Variants in TXK observed in about 807,000 individuals in gnomAD.
The protein encoded by TXK is TXK tyrosine kinase.
Under a neutral mutation model 81.0 loss-of-function variants are expected in TXK, and 60 were observed. The observed-to-expected ratio is 0.74, with a 90% CI of 0.60 to 0.92. The LOEUF (loss-of-function observed/expected upper bound fraction) is 0.92. Among genes scored for constraint, TXK ranks in the 40% least tolerant of loss-of-function variants. The pLI, the probability that TXK is intolerant of heterozygous loss-of-function variation, is 0.00. For missense variants in TXK, 581 were observed against 638.3 expected, an observed-to-expected ratio of 0.91 and a Z score of 0.97; for synonymous variants, 203 against 210.7, an observed-to-expected ratio of 0.96 and a Z score of 0.32.
rs1577648775 is a variant in TXK at position 48,076,394 on chromosome 4, G to A, written c.1238+8C>T. 5 of 1,586,046 alleles carry A rather than the reference G, an allele frequency of 3.2e-6. No individual in the cohort carries two copies. The Admixed American group carries it at 8.4e-5, about 27-fold the overall frequency. Reference sequence around the variant, plus strand: ...AACAAAATACATATATATATACATAGCATGTACCTTGTCATTCCAAAGTCT... The same window carrying A: ...AACAAAATACATATATATATACATAACATGTACCTTGTCATTCCAAAGTCT... On this transcript the variant is annotated splice_region_variant and intron_variant, in intron 12 of 14. Coordinates refer to ENST00000264316, the MANE Select transcript of TXK (RefSeq NM_003328.3).
chr4:48,105,335 T>C (rs1479496216), intron 5 of TXK, among the ~76,000 whole-genome samples: 1 of 152,202 alleles, frequency 6.6e-6, no homozygotes, highest in East Asian at 1.9e-4. Flanking sequence ...AAACTTCCTA[T>C]TTACATGTTT....
At chr4:48,103,484 C>A (rs1718282003) in intron 6 of TXK, among the ~76,000 whole-genome samples, 1 of 152,174 alleles carries the variant, frequency 6.6e-6, no homozygotes, top group Admixed American at 6.5e-5. Flanking sequence ...GCCTATAGCC[C>A]CTGCTATGAA....
intron 7 of TXK, 114 bp from the exon 8 acceptor site, chr4:48,094,318 GAGA>G: frequency 8.4e-7 from 1 of 1,188,126 alleles, no homozygotes; most frequent in Non-Finnish European, 1.2e-6. Flanking sequence ...ACACTACACT[GAGA>G]AGTAGATTGG....
At position 48,079,936 on chromosome 4, in the gene TXK, C is replaced by G; in HGVS notation, c.1149G>C (p.Arg383Ser). Reference sequence around the variant, plus strand: ...CCAAATCCCTATGAATATAGCCATTCCTCTCCAGATATTCCATTCCTTCAC... The same window carrying G: ...CCAAATCCCTATGAATATAGCCATTGCTCTCCAGATATTCCATTCCTTCAC... ...DICEGMEYLE[R>S]NGYIHRDLAA... Residue 383 changes from arginine to serine, a missense_variant, in exon 11 of 15, where the codon AGG (arginine) becomes AGC (serine). By Grantham distance (110) the Arg-to-Ser change is moderately radical. Transcript: ENST00000264316. 1 of 1,613,660 alleles carries G rather than the reference C, an allele frequency of 6.2e-7. No individual in the cohort carries two copies. The highest frequency in any genetic ancestry group is 8.5e-7 in the Non-Finnish European group (1 of 1,179,844).
chr4:48,098,794 T>G (rs1247965061), intron 6 of TXK, among the ~76,000 whole-genome samples: 1 of 151,996 alleles, frequency 6.6e-6, no homozygotes, highest in African/African-American at 2.4e-5. Flanking sequence ...AAACTCTGCC[T>G]CTACTGAAAA....
chr4:48,086,502 G>C lies in TXK; in HGVS notation c.920C>G (p.Ser307Cys). The C allele has an allele frequency of 6.2e-7, 1 of 1,614,074 alleles. No individual in the cohort carries two copies. Among genetic ancestry groups the C allele is most frequent in the South Asian group, 1.1e-5 (1 of 91,068 alleles). Residue 307 changes from serine to cysteine, a missense_variant, in exon 10 of 15, where the codon TCT becomes TGT. Physicochemically the swap from Ser to Cys is moderately radical, Grantham distance 112. Coordinates refer to ENST00000264316, the MANE Select transcript of TXK (RefSeq NM_003328.3). ...GGCCTCTTCAATGAAATCCTCTTCA[G>C]ACATGGAGCCTTCATTGATGGCCTT... ...AIKAINEGSM[S>C]EEDFIEEAKV...
At chr4:48,077,371 G>A (rs1236414055) in intron 11 of TXK, among the ~76,000 whole-genome samples, 1 of 152,148 alleles carries the variant, frequency 6.6e-6, no homozygotes, top group Non-Finnish European at 1.5e-5. Flanking sequence ...TAAATCACAA[G>A]TAACCAGTTT....
At chr4:48,096,745 T>C (rs898412126) in intron 6 of TXK, among the ~76,000 whole-genome samples, 4 of 152,162 alleles carry the variant, frequency 2.6e-5, no homozygotes, top group African/African-American at 9.7e-5. Context: ...GCCATGCTGG[T>C]CTCGAAATCC....
At chr4:48,083,974 CTA>C (rs1239239416) in intron 10 of TXK, among the ~76,000 whole-genome samples, 2 of 152,148 alleles carry the variant, frequency 1.3e-5, no homozygotes, top group Non-Finnish European at 2.9e-5. Flanking sequence ...ATGTGCAAAG[CTA>C]TATATACTCG....
At chr4:48,086,290 G>A (rs1476426570) in intron 10 of TXK, among the ~76,000 whole-genome samples, 176 bp downstream of exon 10, 2 of 152,182 alleles carry the variant, frequency 1.3e-5, no homozygotes, top group Non-Finnish European at 2.9e-5. Context: ...ATTGAGGCTT[G>A]GAAAGGTGAA....
At chr4:48,124,007 T>C (rs988405087) in intron 1 of TXK, among the ~76,000 whole-genome samples, 1 of 152,162 alleles carries the variant, frequency 6.6e-6, no homozygotes, top group Admixed American at 6.5e-5. Flanking sequence ...TTCCTTTCAG[T>C]TCCCAAAGCA....
chr4:48,133,957 T>C (rs544608826), intron 1 of TXK, among the ~76,000 whole-genome samples, 198 bp downstream of exon 1: 9 of 152,372 alleles, frequency 5.9e-5, no homozygotes, highest in African/African-American at 2.2e-4. Flanking sequence ...ATGTTCTCAA[T>C]GCTGAACCTT....
At position 48,066,424 on chromosome 4, in the gene TXK, T is replaced by G. The variant is rs1031946480; in HGVS notation, c.*1213A>C. Reference sequence around the variant, plus strand: ...TTAGAAATAATACACATTTATTGAATGTCATTGATATATAAAGATACCATT... The same window carrying G: ...TTAGAAATAATACACATTTATTGAAGGTCATTGATATATAAAGATACCATT... On this transcript the variant is annotated 3_prime_UTR_variant, in exon 15 of 15. Coordinates refer to ENST00000264316, the MANE Select transcript of TXK (RefSeq NM_003328.3). 50 of 152,348 alleles carry G rather than the reference T, an allele frequency of 3.3e-4. No individual in the cohort carries two copies. The highest frequency in any genetic ancestry group is 1.2e-3 in the African/African-American group (49 of 41,570). 9.4% of individuals were successfully genotyped at this position (152,348 alleles called of 1,614,324 possible).
chr4:48,098,612 A>G (rs970933973), intron 6 of TXK, among the ~76,000 whole-genome samples: 1 of 151,988 alleles, frequency 6.6e-6, no homozygotes, highest in African/African-American at 2.4e-5. Flanking sequence ...AATAGCACTT[A>G]CTCACTTTAG....
At position 48,076,445 on chromosome 4, in the gene TXK, T is replaced by A; in HGVS notation, c.1195A>T (p.Ser399Cys). The change falls in exon 12 of 15, where the codon AGT becomes TGT. Residue 399 changes from serine (S) to cysteine (C), a missense_variant. Ser to Cys is a moderately radical substitution (Grantham distance 112). Transcript: ENST00000264316. ...GAAATTTTTACTATGCATGTTGAAC[T>A]GACCAAACAATTCCTTGCCGCCTAT... ...RDLAARNCLV[S>C]STCIVKISDF... 1 of 1,613,254 alleles carries A rather than the reference T, an allele frequency of 6.2e-7. No homozygotes were observed. Among genetic ancestry groups the A allele is most frequent in the Non-Finnish European group, 8.5e-7 (1 of 1,179,688 alleles).
chr4:48,126,757 C>A (rs1434710838), intron 1 of TXK, among the ~76,000 whole-genome samples: 3 of 152,202 alleles, frequency 2.0e-5, no homozygotes, highest in Non-Finnish European at 2.9e-5. Flanking sequence ...CCCTCTTTGG[C>A]CTCCCAAACT....
intron 10 of TXK, among the ~76,000 whole-genome samples, chr4:48,082,054 G>A (rs985746623): frequency 2.6e-5 from 4 of 152,126 alleles, no homozygotes; most frequent in Admixed American, 6.6e-5. Flanking sequence ...AGAGTGTATT[G>A]ATAATTATGT....
intron 10 of TXK, among the ~76,000 whole-genome samples, chr4:48,082,662 A>G (rs1443067159): frequency 1.3e-5 from 2 of 152,186 alleles, no homozygotes; most frequent in Admixed American, 1.3e-4. Context: ...AAGTGAGAAC[A>G]GCCATTCCTG....
rs368689645 is a variant in TXK, at chr4:48,079,868, T to C, written c.1173+44A>G. 55 of 1,300,670 alleles carry C rather than the reference T, an allele frequency of 4.2e-5. No individual in the cohort carries two copies. The African/African-American group carries it at 7.3e-4, about 17-fold the overall frequency. 80.6% of individuals were successfully genotyped at this position (1,300,670 alleles called of 1,614,324 possible). On this transcript the variant is annotated intron_variant, in intron 11 of 14. Transcript: ENST00000264316. ...AGTAATTGTCACATCCTTCTGAATA[T>C]AGGTATGATACAAAAAAAAAAAGTA...
Sources: allele counts gnomAD v4.1 joint callset (sites outside exome capture counted in the v4.1 genomes callset), GRCh38; gene constraint gnomAD v4.1.1; transcripts MANE v1.5; gene names NCBI Gene and HGNC (gene_info 2026-07-23, HGNC 2026-07-21).